The following LYRM4 variants were observed in gnomAD, a reference collection of about 807,000 sequenced individuals.
LYRM4 encodes the protein LYR motif containing 4.
Under a neutral mutation model 11.7 loss-of-function variants are expected in LYRM4, and 9 were observed. That is an observed-to-expected ratio of 0.77 (90% CI 0.46 to 1.34). The LOEUF is 1.34. Ranked by LOEUF, LYRM4 falls within the 40% of genes most tolerant of loss-of-function variation. The pLI is 0.00. For synonymous variants in LYRM4, 42 were observed against 40.4 expected (o/e 1.04, Z -0.15); for missense variants, 133 against 112.5 (o/e 1.18, Z -0.82).
chr6:5,225,226 T>A (rs1255605717), intron 1 of LYRM4, among the ~76,000 whole-genome samples: 2 of 131,736 alleles, frequency 1.5e-5, no homozygotes, highest in African/African-American at 6.0e-5. Flanking sequence ...CCAGCCTGGG[T>A]GACAGAGCAA....
chr6:5,136,651 T>A, intron 2 of LYRM4: 1 of 985,432 alleles, frequency 1.0e-6, no homozygotes, highest in Non-Finnish European at 1.2e-6. Context: ...TCCCAGGTGT[T>A]GTCAAAGAAG....
chr6:5,191,239 T>C (rs1708472558), intron 2 of LYRM4, among the ~76,000 whole-genome samples: 1 of 152,148 alleles, frequency 6.6e-6, no homozygotes, highest in Admixed American at 6.5e-5. Flanking sequence ...AAGTTCACGA[T>C]GCATTTGGTA....
In LYRM4 at chr6:5,260,517, C is replaced by A; in HGVS notation, c.86+131G>T. 5 of 1,260,336 alleles carry A rather than the reference C, an allele frequency of 4.0e-6. No individual in the cohort carries two copies. The East Asian group carries it at 7.6e-5, about 19-fold the overall frequency. The allele number at this position is 1,260,336 out of a possible 1,614,324, so 78.1% of individuals were successfully genotyped here. On this transcript the variant is annotated intron_variant, in intron 1 of 2. Coordinates refer to ENST00000330636, the MANE Select transcript of LYRM4 (RefSeq NM_020408.6). ...GGAGCACGCTTTTCGATGGCGGAGC[C>A]CGGTCCTTGCCTCGCAGCCGCCGGC... is the stretch of plus-strand genomic sequence containing the variant.
intron 2 of LYRM4, among the ~76,000 whole-genome samples, chr6:5,202,266 T>TAAAG (rs1761433480): frequency 6.6e-6 from 1 of 152,220 alleles, no homozygotes; most frequent in Admixed American, 6.5e-5. Flanking sequence ...CTCCCACAGG[T>TAAAG]AAAGGTGAGT....
intron 1 of LYRM4, among the ~76,000 whole-genome samples, chr6:5,244,522 G>A (rs181517610): frequency 3.0e-4 from 46 of 152,270 alleles, no homozygotes; most frequent in African/African-American, 9.6e-4. Flanking sequence ...AGGGGTGAGA[G>A]TGTTGGAAAG....
chr6:5,111,514 G>A (rs1229097675), intron 2 of LYRM4, among the ~76,000 whole-genome samples: 2 of 152,212 alleles, frequency 1.3e-5, no homozygotes, highest in East Asian at 1.9e-4. Flanking sequence ...CTCTGTCCCC[G>A]TGAGGAGCAG....
At chr6:5,242,222 G>A (rs1763924242) in intron 1 of LYRM4, among the ~76,000 whole-genome samples, 1 of 151,658 alleles carries the variant, frequency 6.6e-6, no homozygotes, top group Admixed American at 6.6e-5. Context: ...ACAGGCACGT[G>A]CCACCACGCC....
intron 2 of LYRM4, among the ~76,000 whole-genome samples, chr6:5,137,204 G>A (rs1757148942): frequency 6.6e-6 from 1 of 152,316 alleles, no homozygotes; most frequent in Non-Finnish European, 1.5e-5. Context: ...TATTTTTATT[G>A]TATGGCTATA....
chr6:5,251,287 T>C (rs1289578021), intron 1 of LYRM4, among the ~76,000 whole-genome samples: 2 of 152,210 alleles, frequency 1.3e-5, no homozygotes, highest in Non-Finnish European at 2.9e-5. Context: ...CTGCCCTGTT[T>C]TACAAAGTGA....
At chr6:5,176,698 T>C (rs1279999932) in intron 2 of LYRM4, among the ~76,000 whole-genome samples, 2 of 152,354 alleles carry the variant, frequency 1.3e-5, no homozygotes, top group East Asian at 3.9e-4. Context: ...CTGACAGAGT[T>C]ACCTTTGAAA....
intron 1 of LYRM4, among the ~76,000 whole-genome samples, chr6:5,219,041 G>T (rs1466699823): frequency 1.3e-5 from 2 of 152,172 alleles, no homozygotes; most frequent in African/African-American, 4.8e-5. Flanking sequence ...TTTACCTCCA[G>T]GAATCATCTA....
the LYRM4 span, among the ~76,000 whole-genome samples, chr6:5,096,458 C>G: frequency 1.3e-5 from 2 of 152,144 alleles, no homozygotes; most frequent in African/African-American, 2.4e-5. Flanking sequence ...TCACTGCACT[C>G]CAGTCTGGTG....
At chr6:5,207,835 G>C (rs1340290489) in intron 2 of LYRM4, among the ~76,000 whole-genome samples, 1 of 152,200 alleles carries the variant, frequency 6.6e-6, no homozygotes, top group East Asian at 1.9e-4. Context: ...AGCCTACAGA[G>C]GGTAAGCTGT....
downstream of LYRM4, chr6:5,106,623 C>T (rs1305441645): frequency 6.6e-6 from 1 of 152,388 alleles, no homozygotes; most frequent in Non-Finnish European, 1.5e-5. Flanking sequence ...GCCATCAGAA[C>T]AACACAGCCC....
At chr6:5,098,359 T>TGGATGCAGGCTGCCCAC in the LYRM4 span, among the ~76,000 whole-genome samples, 2 of 152,232 alleles carry the variant, frequency 1.3e-5, no homozygotes, top group Admixed American at 6.5e-5. Flanking sequence ...AGGCTGCCTT[T>TGGATGCAGGCTGCCCAC]GGCTGCAGGC....
At chr6:5,179,667 T>A (rs981776084) in intron 2 of LYRM4, among the ~76,000 whole-genome samples, 3 of 152,212 alleles carry the variant, frequency 2.0e-5, no homozygotes, top group African/African-American at 7.2e-5. Flanking sequence ...TACCCATTCA[T>A]CCATCCATGG....
At chr6:5,224,129 T>C (rs1447706041) in intron 1 of LYRM4, among the ~76,000 whole-genome samples, 1 of 152,236 alleles carries the variant, frequency 6.6e-6, no homozygotes, top group Non-Finnish European at 1.5e-5. Flanking sequence ...CTAACTCCTA[T>C]TCATCTTTAA....
At chr6:5,129,937 G>A (rs1254775160) in intron 2 of LYRM4, among the ~76,000 whole-genome samples, 1 of 152,216 alleles carries the variant, frequency 6.6e-6, no homozygotes. Flanking sequence ...GGGTGGGAAG[G>A]CAGCTGTGCT....
chr6:5,164,468 T>C (rs1758950972), intron 2 of LYRM4, among the ~76,000 whole-genome samples: 1 of 152,184 alleles, frequency 6.6e-6, no homozygotes, highest in South Asian at 2.1e-4. Context: ...AGATTCCATC[T>C]AGATAATATA....
Sources: allele counts gnomAD v4.1 joint callset (sites outside exome capture counted in the v4.1 genomes callset), GRCh38; gene constraint gnomAD v4.1.1; transcripts MANE v1.5; gene names NCBI Gene and HGNC (gene_info 2026-07-23, HGNC 2026-07-21).